HS3ST5: variants seen among roughly 807,000 people sequenced by gnomAD.
The protein encoded by HS3ST5 is heparan sulfate glucosamine 3-O-sulfotransferase 5.
Under a neutral mutation model 25.4 loss-of-function variants are expected in HS3ST5, and 10 were observed. The observed-to-expected ratio is 0.39, with a 90% CI of 0.24 to 0.67. HS3ST5 has a LOEUF of 0.67. Among genes scored for constraint, HS3ST5 ranks in the 30% least tolerant of loss-of-function variants. HS3ST5 has a pLI of 0.44. For synonymous variants in HS3ST5, 170 were observed against 162.4 expected, an observed-to-expected ratio of 1.05 and a Z score of -0.36; for missense variants, 324 against 420.7, an observed-to-expected ratio of 0.77 and a Z score of 2.01.
intron 1 of HS3ST5, among the ~76,000 whole-genome samples, chr6:114,296,669 C>A (rs945445684): frequency 6.6e-6 from 1 of 152,176 alleles, no homozygotes; most frequent in Non-Finnish European, 1.5e-5. Context: ...GATATAATCA[C>A]CCCTGTTAAA....
intron 3 of HS3ST5, among the ~76,000 whole-genome samples, chr6:114,117,359 T>C (rs1417521578): frequency 6.6e-6 from 1 of 152,102 alleles, no homozygotes. Context: ...ACAAAATATT[T>C]CTCCACGCAA....
chr6:114,322,110 T>C lies in HS3ST5; in HGVS notation c.-339+20085A>G, dbSNP rs560946982. Reference sequence around the variant, plus strand: ...TGTTAGTAGCATTAACTACAAGTAATAGAATTTTTAGCCTTTCAGAATTTC... The same window carrying C: ...TGTTAGTAGCATTAACTACAAGTAACAGAATTTTTAGCCTTTCAGAATTTC... On this transcript the variant is annotated intron_variant, in intron 1 of 4. Coordinates refer to ENST00000312719, the MANE Select transcript of HS3ST5 (RefSeq NM_153612.4). Among the ~76,000 whole-genome samples, 4 of 152,288 alleles carry C rather than the reference T, an allele frequency of 2.6e-5. No individual in the cohort carries two copies. In the Middle Eastern group the frequency reaches 0.014, roughly 518 times the overall value.
At chr6:114,321,306 C>G (rs1165914261) in intron 1 of HS3ST5, among the ~76,000 whole-genome samples, 1 of 152,138 alleles carries the variant, frequency 6.6e-6, no homozygotes, top group Non-Finnish European at 1.5e-5. Flanking sequence ...ATAAACCTAC[C>G]TTTAGCTGAA....
chr6:114,242,874 A>AAG (rs1401305082), intron 1 of HS3ST5, among the ~76,000 whole-genome samples: 1 of 151,502 alleles, frequency 6.6e-6, no homozygotes, highest in Admixed American at 6.6e-5. Context: ...AAAAAAAAAA[A>AAG]AAGAAGAAGG....
intron 2 of HS3ST5, among the ~76,000 whole-genome samples, chr6:114,215,084 T>A (rs1781688891): frequency 6.6e-6 from 1 of 152,006 alleles, no homozygotes; most frequent in African/African-American, 2.4e-5. Flanking sequence ...GGCGGGCAGA[T>A]CACGAGGTCA....
At chr6:114,273,720 G>A (rs1773727969) in intron 1 of HS3ST5, among the ~76,000 whole-genome samples, 1 of 152,058 alleles carries the variant, frequency 6.6e-6, no homozygotes, top group Non-Finnish European at 1.5e-5. Context: ...CAAATTGGAT[G>A]AGGAATGAGA....
intron 2 of HS3ST5, among the ~76,000 whole-genome samples, chr6:114,201,002 C>T (rs1780986720): frequency 6.6e-6 from 1 of 152,160 alleles, no homozygotes. Context: ...TGTGAAACTC[C>T]AGTTGAGAAG....
At chr6:114,123,465 CT>C (rs1358767454) in intron 3 of HS3ST5, among the ~76,000 whole-genome samples, 1 of 152,172 alleles carries the variant, frequency 6.6e-6, no homozygotes, top group East Asian at 1.9e-4. Flanking sequence ...GAGGATAATT[CT>C]TTAAAAAGTA....
chr6:114,084,914 CTCTGCCTCCCGGGT>C lies in HS3ST5; in HGVS notation c.-32-22051_-32-22038del, dbSNP rs1774714472. The C allele has an allele frequency of 1.0e-5, 5 of 490,416 alleles. No homozygotes were observed. The Admixed American group carries it at 1.6e-4, about 15-fold the overall frequency. 30.4% of individuals were successfully genotyped at this position (490,416 alleles called of 1,614,324 possible). A position where few individuals can be genotyped will look rare whatever the true frequency, so the allele number is the denominator to read the frequency against. On this transcript the variant is annotated intron_variant, in intron 3 of 4. Transcript: ENST00000312719. ...TGGTGTGATCTCGGCTCACTGCAAC[CTCTGCCTCCCGGGT>C]TCAAGCGATTCCCCTGCCTCAACCT...
At chr6:114,151,530 A>G (rs1201415061) in intron 3 of HS3ST5, among the ~76,000 whole-genome samples, 5 of 152,236 alleles carry the variant, frequency 3.3e-5, no homozygotes, top group African/African-American at 1.2e-4. Flanking sequence ...CATCTGTGGG[A>G]TTGAAACTAA....
rs2208945 is a variant in HS3ST5, at chr6:114,342,241, G to A, written c.-385C>T. On this transcript the variant is annotated 5_prime_UTR_variant, in exon 1 of 5. Transcript: ENST00000312719. ...CGCGGGCGGGAGCCTCAGGGCGCGG[G>A]GGTCGGCGGCGGGTCGCGTGGGGGT... is the stretch of plus-strand genomic sequence containing the variant. 34,653 of 151,266 alleles carry A rather than the reference G, an allele frequency of 0.23. 3,994 individuals are homozygous for A. Among genetic ancestry groups the A allele is most frequent in the African/African-American group, 0.27 (10,859 of 40,578 alleles). 9.4% of individuals were successfully genotyped at this position (151,266 alleles called of 1,614,324 possible). A position where few individuals can be genotyped will look rare whatever the true frequency, so the allele number is the denominator to read the frequency against.
chr6:114,218,135 T>A (rs572063344), intron 2 of HS3ST5, among the ~76,000 whole-genome samples: 1 of 152,086 alleles, frequency 6.6e-6, no homozygotes. Context: ...GTAGCTGGGA[T>A]TACAGGTGCC....
chr6:114,260,499 T>C (rs1773124098), intron 1 of HS3ST5, among the ~76,000 whole-genome samples: 1 of 152,200 alleles, frequency 6.6e-6, no homozygotes, highest in African/African-American at 2.4e-5. Flanking sequence ...ATAATCAATA[T>C]AAAAAGGTAG....
At chr6:114,137,643 C>T (rs945993249) in intron 3 of HS3ST5, among the ~76,000 whole-genome samples, 25 of 152,204 alleles carry the variant, frequency 1.6e-4, no homozygotes, top group Middle Eastern at 3.4e-3. Context: ...AAAGGAAATG[C>T]GATTTCTTAT....
intron 3 of HS3ST5, among the ~76,000 whole-genome samples, chr6:114,091,620 C>T (rs967867788): frequency 2.6e-5 from 4 of 151,818 alleles, no homozygotes; most frequent in Non-Finnish European, 5.9e-5. Flanking sequence ...GGAGGCAGAG[C>T]TTGCTGTGAG....
intron 3 of HS3ST5, chr6:114,142,934 G>A (rs1777981226): frequency 6.6e-6 from 1 of 152,218 alleles, no homozygotes; most frequent in Non-Finnish European, 1.5e-5. Flanking sequence ...CATTAACGGG[G>A]AAAAATGTTC....
At chr6:114,167,647 TGG>T (rs1173587378) in intron 3 of HS3ST5, 5 of 152,230 alleles carry the variant, frequency 3.3e-5, no homozygotes, top group African/African-American at 1.2e-4. Context: ...TCACAGCAGC[TGG>T]TGACATGCTG....
chr6:114,107,166 A>T (rs1440675041), intron 3 of HS3ST5, among the ~76,000 whole-genome samples: 1 of 152,148 alleles, frequency 6.6e-6, no homozygotes, highest in East Asian at 1.9e-4. Context: ...TTTTGAGAAG[A>T]AAAATAGAAA....
chr6:114,290,548 T>C (rs978058472), intron 1 of HS3ST5, among the ~76,000 whole-genome samples: 2 of 152,230 alleles, frequency 1.3e-5, no homozygotes, highest in Admixed American at 1.3e-4. Context: ...AGGGGTTTTA[T>C]TTTCTTCAAG....
Sources: gnomAD v4.1 joint callset for allele counts (sites outside exome capture counted in the v4.1 genomes callset) on GRCh38, gnomAD v4.1.1 for gene constraint, MANE v1.5 for transcripts, NCBI Gene and HGNC (gene_info 2026-07-23, HGNC 2026-07-21) for gene names.